MRPS6: variants seen among roughly 807,000 people sequenced by gnomAD.
The protein encoded by MRPS6 is small ribosomal subunit protein bS6m.
MRPS6 carries 6 observed loss-of-function variants against 13.1 expected under a neutral mutation model. That is an observed-to-expected ratio of 0.46 (90% CI 0.25 to 0.91). The LOEUF (loss-of-function observed/expected upper bound fraction) is 0.91, where lower values mean the gene tolerates loss of function less well. Ranked by LOEUF, MRPS6 falls within the 40% of genes least tolerant of loss-of-function variation. MRPS6 has a pLI of 0.18. For missense variants in MRPS6, 164 were observed against 155.6 expected (o/e 1.05, Z -0.29); for synonymous variants, 61 against 56.5 (o/e 1.08, Z -0.36).
intron 2 of MRPS6, among the ~76,000 whole-genome samples, chr21:34,137,565 A>G (rs903709161): frequency 1.4e-4 from 22 of 152,172 alleles, no homozygotes; most frequent in African/African-American, 4.3e-4. Flanking sequence ...CTTTTTGCTT[A>G]TCAGTCTAGG....
At chr21:34,134,740 GC>G (rs973422625) in intron 2 of MRPS6, among the ~76,000 whole-genome samples, 1 of 150,886 alleles carries the variant, frequency 6.6e-6, no homozygotes, top group Non-Finnish European at 1.5e-5. Context: ...AGAAGTGATT[GC>G]AGATGCAGTA....
intron 2 of MRPS6, among the ~76,000 whole-genome samples, chr21:34,130,021 A>C (rs1190293304): frequency 6.6e-6 from 1 of 152,214 alleles, no homozygotes; most frequent in African/African-American, 2.4e-5. Flanking sequence ...GGTTTAACTG[A>C]GACGGTCTAG....
At chr21:34,091,610 A>G (rs999920561) in intron 1 of MRPS6, among the ~76,000 whole-genome samples, 2 of 152,120 alleles carry the variant, frequency 1.3e-5, no homozygotes, top group East Asian at 1.9e-4. Context: ...ACACTTCTCT[A>G]TTTGGATTAA....
intron 1 of MRPS6, chr21:34,095,357 C>T: frequency 6.2e-7 from 1 of 1,614,132 alleles, no homozygotes; most frequent in Non-Finnish European, 8.5e-7. Flanking sequence ...CAATTGGTGC[C>T]TCTCTGTTTG....
intron 2 of MRPS6, among the ~76,000 whole-genome samples, chr21:34,130,316 C>G (rs1191987095): frequency 6.6e-6 from 1 of 152,198 alleles, no homozygotes; most frequent in Non-Finnish European, 1.5e-5. Flanking sequence ...AGGGCACTGT[C>G]AGAAAATACA....
intron 1 of MRPS6, among the ~76,000 whole-genome samples, chr21:34,092,456 T>C (rs1269478728): frequency 6.6e-6 from 1 of 152,002 alleles, no homozygotes; most frequent in African/African-American, 2.4e-5. Flanking sequence ...AGGCGGAGAG[T>C]TGAGAATTCA....
chr21:34,084,799 A>AT (rs1989534595), intron 1 of MRPS6, among the ~76,000 whole-genome samples: 1 of 152,060 alleles, frequency 6.6e-6, no homozygotes, highest in Non-Finnish European at 1.5e-5. Context: ...TTATCTTAAA[A>AT]TTTTTTTCAT....
At chr21:34,102,064 T>A (rs1252870340) in intron 1 of MRPS6, 2 of 1,000,088 alleles carry the variant, frequency 2.0e-6, no homozygotes, top group Non-Finnish European at 2.4e-6. Flanking sequence ...AGGTAATCTT[T>A]CGATTGCTAG....
At chr21:34,118,029 CA>C (rs1157717933) in intron 1 of MRPS6, among the ~76,000 whole-genome samples, 2 of 152,080 alleles carry the variant, frequency 1.3e-5, no homozygotes, top group African/African-American at 4.8e-5. Context: ...TGTGAATCTG[CA>C]GTATTTTTTT....
intron 1 of MRPS6, chr21:34,101,597 C>T: frequency 2.0e-6 from 2 of 1,000,158 alleles, no homozygotes; most frequent in Non-Finnish European, 1.2e-6. Context: ...GTCAGTTCTA[C>T]ACCTAGTCTT....
chr21:34,132,860 G>A (rs1010285217), intron 2 of MRPS6, among the ~76,000 whole-genome samples: 1 of 152,186 alleles, frequency 6.6e-6, no homozygotes, highest in Admixed American at 6.5e-5. Flanking sequence ...CAAAAGACCT[G>A]CTCTGTTTGA....
At chr21:34,101,168 C>T in intron 1 of MRPS6, 1 of 1,000,068 alleles carries the variant, frequency 1.0e-6, no homozygotes, top group Non-Finnish European at 1.2e-6. Flanking sequence ...CTGGGTGACA[C>T]AGATATTAGC....
chr21:34,132,122 C>T (rs749025738), intron 2 of MRPS6, among the ~76,000 whole-genome samples: 2 of 152,184 alleles, frequency 1.3e-5, no homozygotes, highest in Non-Finnish European at 2.9e-5. Flanking sequence ...TTGACTTTAT[C>T]CTGGACTTCT....
intron 1 of MRPS6, among the ~76,000 whole-genome samples, chr21:34,116,922 G>GT (rs1322478258): frequency 6.6e-6 from 1 of 152,118 alleles, no homozygotes; most frequent in Non-Finnish European, 1.5e-5. Context: ...CTGCCTCAGG[G>GT]TTATAGAACA....
intron 1 of MRPS6, among the ~76,000 whole-genome samples, chr21:34,091,732 T>C (rs920575000): frequency 1.3e-5 from 2 of 152,212 alleles, no homozygotes; most frequent in African/African-American, 4.8e-5. Context: ...CCTTCTCTTT[T>C]GGGAAGAAGG....
At chr21:34,075,517 T>G (rs890882372) in intron 1 of MRPS6, among the ~76,000 whole-genome samples, 2 of 152,032 alleles carry the variant, frequency 1.3e-5, no homozygotes, top group African/African-American at 4.8e-5. Flanking sequence ...TAACCTTCCT[T>G]GAAATCTTCG....
At chr21:34,126,485 A>G (rs188890850) in intron 2 of MRPS6, among the ~76,000 whole-genome samples, 7 of 152,340 alleles carry the variant, frequency 4.6e-5, no homozygotes, top group Admixed American at 2.6e-4. Context: ...CAGCTTCTTG[A>G]GAACACCTCT....
intron 1 of MRPS6, among the ~76,000 whole-genome samples, chr21:34,110,569 G>A (rs1417683313): frequency 1.3e-5 from 2 of 152,152 alleles, no homozygotes. Context: ...TTTATTGTGA[G>A]TTTTAACATA....
At chr21:34,138,472 A>G (rs1247839637) in intron 2 of MRPS6, among the ~76,000 whole-genome samples, 1 of 152,164 alleles carries the variant, frequency 6.6e-6, no homozygotes, top group African/African-American at 2.4e-5. Flanking sequence ...AGAATCTACA[A>G]TGAACTCAAA....
Sources: gnomAD v4.1 joint callset for allele counts (sites outside exome capture counted in the v4.1 genomes callset) on GRCh38, gnomAD v4.1.1 for gene constraint, MANE v1.5 for transcripts, NCBI Gene and HGNC (gene_info 2026-07-23, HGNC 2026-07-21) for gene names.